Variants in ZNF502 observed in about 807,000 individuals in gnomAD.
The protein encoded by ZNF502 is zinc finger protein 502.
A neutral mutation model predicts 43.6 loss-of-function variants in ZNF502; 29 were observed. That is an observed-to-expected ratio of 0.67 (90% CI 0.50 to 0.91). The LOEUF is 0.91. ZNF502 is among the 40% of genes least tolerant of loss of function. The probability of loss-of-function intolerance (pLI) is 0.00; values close to 1 mark genes in which losing one functional copy is unlikely to be tolerated. For missense variants in ZNF502, 591 were observed against 647.2 expected, an observed-to-expected ratio of 0.91 and a Z score of 0.94; for synonymous variants, 171 against 207.4, an observed-to-expected ratio of 0.82 and a Z score of 1.51.
Position 44,720,212 on chromosome 3 carries a change from T to G in ZNF502, c.-50T>G. On this transcript the variant is annotated 5_prime_UTR_variant, in exon 2 of 3. Transcript: ENST00000436624. ...TTCTCCCCATGAGCAGGGTTCCCAG[T>G]TTTCCAGACCTGAAGTGTTTTCCAA... 6.2e-7 allele frequency: 1 copy of G among 1,609,776 alleles called. No individual in the cohort carries two copies. The highest frequency in any genetic ancestry group is 1.1e-5 in the South Asian group (1 of 91,008).
At position 44,717,640 on chromosome 3, in the gene ZNF502, A is replaced by G. The variant is rs532098719; in HGVS notation, c.-59-2563A>G. Among the ~76,000 whole-genome samples the G allele has an allele frequency of 1.8e-3, 271 of 151,794 alleles. 1 individual carries two copies. Among genetic ancestry groups the G allele is most frequent in the African/African-American group, 5.9e-3 (244 of 41,404 alleles). Reference sequence around the variant, plus strand: ...TGGTCAGGCTGGTCTCGAACTTCCAACTTCAAGTAATCCACCTGCCTCAGC... The same window carrying G: ...TGGTCAGGCTGGTCTCGAACTTCCAGCTTCAAGTAATCCACCTGCCTCAGC... On this transcript the variant is annotated intron_variant, in intron 1 of 2. Coordinates refer to ENST00000436624, the MANE Select transcript of ZNF502 (RefSeq NM_001134442.3).
chr3:44,714,155 G>A (rs1249543553), intron 1 of ZNF502, among the ~76,000 whole-genome samples: 1 of 152,084 alleles, frequency 6.6e-6, no homozygotes, highest in Non-Finnish European at 1.5e-5. Flanking sequence ...GTAAGGAGGT[G>A]GCATCTGGGG....
Position 44,712,696 on chromosome 3 carries a change from C to T in ZNF502, c.-104C>T, listed in dbSNP as rs1046836756. 2.6e-5 allele frequency: 4 copies of T among 152,324 alleles called. No homozygotes were observed. The highest frequency in any genetic ancestry group is 6.5e-5 in the Admixed American group (1 of 15,296). The allele number at this position is 152,324 out of a possible 1,614,324, so 9.4% of individuals were successfully genotyped here. Reference sequence around the variant, plus strand: ...CTGGTGTCCTGGCCCCAGTCCACCTCTGGGAGCGCCTGCGCCGCTCCGCGG... The same window carrying T: ...CTGGTGTCCTGGCCCCAGTCCACCTTTGGGAGCGCCTGCGCCGCTCCGCGG... On this transcript the variant is annotated 5_prime_UTR_variant, in exon 1 of 3. Coordinates refer to ENST00000436624, the MANE Select transcript of ZNF502 (RefSeq NM_001134442.3).
intron 2 of ZNF502, 134 bp downstream of exon 2, chr3:44,720,450 G>A (rs1268454595): frequency 1.1e-5 from 9 of 848,140 alleles, no homozygotes; most frequent in Non-Finnish European, 1.6e-5. Flanking sequence ...GGACAGGGGT[G>A]GGTGAACATG....
intron 1 of ZNF502, among the ~76,000 whole-genome samples, chr3:44,716,221 CTT>C (rs1416591818): frequency 1.4e-5 from 2 of 146,622 alleles, no homozygotes; most frequent in African/African-American, 5.1e-5. Flanking sequence ...GAGTTTCGCT[CTT>C]GTCGCCCAAG....
intron 1 of ZNF502, among the ~76,000 whole-genome samples, chr3:44,713,547 C>T (rs1382322119): frequency 6.6e-6 from 1 of 151,790 alleles, no homozygotes; most frequent in Non-Finnish European, 1.5e-5. Flanking sequence ...TTCACAACAG[C>T]GTATTGCGTG....
At chr3:44,713,555 G>A (rs1024088631) in intron 1 of ZNF502, among the ~76,000 whole-genome samples, 3 of 151,824 alleles carry the variant, frequency 2.0e-5, no homozygotes, top group Admixed American at 6.6e-5. Context: ...AGCGTATTGC[G>A]TGTACAGTTT....
At chr3:44,713,280 T>C (rs1454730591) in intron 1 of ZNF502, among the ~76,000 whole-genome samples, 3 of 152,236 alleles carry the variant, frequency 2.0e-5, no homozygotes, top group Admixed American at 2.0e-4. Context: ...ACAGCTTGTA[T>C]GTGATAGCAT....
intron 1 of ZNF502, among the ~76,000 whole-genome samples, chr3:44,714,890 T>C (rs943559607): frequency 2.4e-4 from 36 of 152,378 alleles, no homozygotes; most frequent in Middle Eastern, 6.8e-3. Context: ...ACATGGGCTA[T>C]TGGCAGAGCA....
chr3:44,720,845 A>C (rs1166942526), intron 2 of ZNF502, 28 bp from the exon 3 acceptor site: 3 of 1,590,532 alleles, frequency 1.9e-6, no homozygotes, highest in Non-Finnish European at 2.6e-6. Flanking sequence ...CCTGTACAGG[A>C]GATATTCATT....
intron 1 of ZNF502, among the ~76,000 whole-genome samples, chr3:44,713,155 G>T (rs1189419985): frequency 6.6e-6 from 1 of 152,198 alleles, no homozygotes; most frequent in Non-Finnish European, 1.5e-5. Flanking sequence ...ACGGCAAATA[G>T]CGTAAAGTGC....
chr3:44,721,851 A>G lies in ZNF502; in HGVS notation c.1034A>G (p.His345Arg). 1.2e-6 allele frequency: 2 copies of G among 1,614,204 alleles called. No homozygotes were observed. Among genetic ancestry groups the G allele is most frequent in the Non-Finnish European group, 8.5e-7 (1 of 1,180,014 alleles). ...AACCTCTCTCAGCATCAGAGAATTC[A>G]TAGTGGAGAGAAACCCTATAAATGT... ...KANLSQHQRI[H>R]SGEKPYKCKE... Residue 345 changes from histidine to arginine, a missense_variant, in exon 3 of 3, where the codon CAT becomes CGT. Transcript: ENST00000436624.
Position 44,722,344 on chromosome 3 carries a change from T to C in ZNF502, c.1527T>C (p.His509=). The C allele has an allele frequency of 6.2e-7, 1 of 1,614,196 alleles. No individual in the cohort carries two copies. The highest frequency in any genetic ancestry group is 8.5e-7 in the Non-Finnish European group (1 of 1,180,030). Residue 509 remains histidine (H), a synonymous_variant, in exon 3 of 3, where the codon CAT becomes CAC. Coordinates refer to ENST00000436624, the MANE Select transcript of ZNF502 (RefSeq NM_001134442.3). The part of the protein sequence containing the change: ...TFRKYAHLSE[H]YRIHTGEKPY... The stretch of plus-strand genomic sequence containing the variant: ...GCAAGTATGCACACCTTAGTGAACA[T>C]TACAGAATTCACACTGGTGAGAAGC...
intron 1 of ZNF502, 45 bp from the exon 2 acceptor site, chr3:44,720,158 C>A: frequency 8.3e-7 from 1 of 1,207,698 alleles, no homozygotes; most frequent in Admixed American, 1.7e-5. Flanking sequence ...TTTACTGGGA[C>A]AGTAATATTC....
intron 1 of ZNF502, among the ~76,000 whole-genome samples, chr3:44,719,117 G>T (rs1177354133): frequency 6.6e-6 from 1 of 152,050 alleles, no homozygotes; most frequent in Admixed American, 6.6e-5. Context: ...GGGATTACAG[G>T]CACCTGCCAT....
Position 44,722,700 on chromosome 3 carries a change from C to CT in ZNF502, c.*249dup. On this transcript the variant is annotated 3_prime_UTR_variant, in exon 3 of 3. Transcript: ENST00000436624. ...GATAAAGCCTACACATTGCCACTGT[C>CT]TCCCCATGTGACTCTTACAGCTTGA... 1 of 448,430 alleles carries CT rather than the reference C, an allele frequency of 2.2e-6. No individual in the cohort carries two copies. The highest frequency in any genetic ancestry group is 3.9e-6 in the Non-Finnish European group (1 of 253,464). 27.8% of individuals were successfully genotyped at this position (448,430 alleles called of 1,614,324 possible).
At chr3:44,720,428 T>A in intron 2 of ZNF502, 112 bp downstream of exon 2, 1 of 1,098,192 alleles carries the variant, frequency 9.1e-7, no homozygotes, top group Non-Finnish European at 1.3e-6. Flanking sequence ...CTGTCTCTTA[T>A]AGGGATGTTG....
intron 1 of ZNF502, among the ~76,000 whole-genome samples, chr3:44,718,536 C>T (rs1308767412): frequency 6.6e-6 from 1 of 152,140 alleles, no homozygotes; most frequent in African/African-American, 2.4e-5. Context: ...AACTGGCTTG[C>T]CTCAGGCTTT....
chr3:44,722,160 C>G lies in ZNF502; in HGVS notation c.1343C>G (p.Thr448Ser). 6.2e-7 allele frequency: 1 copy of G among 1,614,202 alleles called. No homozygotes were observed. Among genetic ancestry groups the G allele is most frequent in the Non-Finnish European group, 8.5e-7 (1 of 1,180,038 alleles). ...TGTGGAAAGGGCTTTAATCAGAACACCTGCCTCACTCAGCATATGAGAATT... is the reference window on the plus strand; with the variant it reads ...TGTGGAAAGGGCTTTAATCAGAACAGCTGCCTCACTCAGCATATGAGAATT... Reference protein sequence around the residue: ...NECGKGFNQNTCLTQHMRIHT... With the variant: ...NECGKGFNQNSCLTQHMRIHT... The change falls in exon 3 of 3, where the codon ACC (threonine) becomes AGC (serine). Residue 448 changes from threonine to serine, a missense_variant. Coordinates refer to ENST00000436624, the MANE Select transcript of ZNF502 (RefSeq NM_001134442.3).
Sources: allele counts gnomAD v4.1 joint callset (sites outside exome capture counted in the v4.1 genomes callset), GRCh38; gene constraint gnomAD v4.1.1; transcripts MANE v1.5; gene names NCBI Gene and HGNC (gene_info 2026-07-23, HGNC 2026-07-21).